CNTNAP5: variants seen among roughly 807,000 people sequenced by gnomAD.
CNTNAP5 encodes the protein contactin-associated protein-like 5.
A neutral mutation model predicts 150.2 loss-of-function variants in CNTNAP5; 72 were observed. The observed-to-expected ratio is 0.48, with a 90% confidence interval of 0.40 to 0.58. CNTNAP5 has a LOEUF of 0.58. Ranked by LOEUF, CNTNAP5 falls within the 20% of genes least tolerant of loss-of-function variation. CNTNAP5 has a pLI of 0.00. For missense variants in CNTNAP5, 1,636 were observed against 1,626.2 expected, an observed-to-expected ratio of 1.01 and a Z score of -0.10; for synonymous variants, 672 against 619.8, an observed-to-expected ratio of 1.08 and a Z score of -1.25.
chr2:124,414,864 G>C (rs1691877586), intron 3 of CNTNAP5, among the ~76,000 whole-genome samples: 1 of 152,032 alleles, frequency 6.6e-6, no homozygotes, highest in African/African-American at 2.4e-5. Context: ...TCACATGCCT[G>C]GGGAGGTGGG....
intron 1 of CNTNAP5, among the ~76,000 whole-genome samples, chr2:124,177,154 A>C (rs974266964): frequency 6.6e-6 from 1 of 152,040 alleles, no homozygotes; most frequent in African/African-American, 2.4e-5. Context: ...GGCTCAGATA[A>C]TGTCTTTATG....
chr2:124,571,532 T>TCTTTTTCTCTTTGTTTTC (rs1553480869), intron 11 of CNTNAP5, among the ~76,000 whole-genome samples: 6 of 92,690 alleles, frequency 6.5e-5, no homozygotes, highest in East Asian at 5.9e-4. Context: ...TTTTTCTTTT[T>TCTTTTTCTCTTTGTTTTC]TTTTTTTTTT....
chr2:124,838,216 C>T (rs1428967660), intron 19 of CNTNAP5, among the ~76,000 whole-genome samples: 1 of 152,122 alleles, frequency 6.6e-6, no homozygotes, highest in East Asian at 1.9e-4. Flanking sequence ...CTTCAACCTT[C>T]ACAATTTAAT....
intron 1 of CNTNAP5, among the ~76,000 whole-genome samples, chr2:124,095,068 A>G (rs1682902786): frequency 6.6e-6 from 1 of 152,182 alleles, no homozygotes. Flanking sequence ...CAGCACTAGT[A>G]CAATAGCAAA....
intron 3 of CNTNAP5, among the ~76,000 whole-genome samples, chr2:124,269,498 C>T (rs1227353854): frequency 2.0e-5 from 3 of 152,060 alleles, no homozygotes; most frequent in South Asian, 2.1e-4. Flanking sequence ...TTCCAGTGAG[C>T]GACAGGAGTT....
intron 12 of CNTNAP5, among the ~76,000 whole-genome samples, chr2:124,632,362 A>G (rs1677881784): frequency 6.6e-6 from 1 of 152,258 alleles, no homozygotes; most frequent in Non-Finnish European, 1.5e-5. Context: ...AGCACAGAAT[A>G]CTATGCAGCA....
At chr2:124,777,191 C>T (rs966164235) in intron 17 of CNTNAP5, among the ~76,000 whole-genome samples, 2 of 151,634 alleles carry the variant, frequency 1.3e-5, no homozygotes, top group Non-Finnish European at 2.9e-5. Context: ...GTCCCTAGCA[C>T]CAGTGATCCA....
intron 11 of CNTNAP5, among the ~76,000 whole-genome samples, chr2:124,607,143 T>G (rs1348375283): frequency 6.6e-6 from 1 of 152,178 alleles, no homozygotes; most frequent in Non-Finnish European, 1.5e-5. Context: ...TAATGAAGGA[T>G]TCTAAAACAA....
chr2:124,025,543 G>T lies in CNTNAP5; in HGVS notation c.-108G>T. 1.1e-6 allele frequency: 1 copy of T among 891,210 alleles called. No individual in the cohort carries two copies. The highest frequency in any genetic ancestry group is 1.8e-5 in the Admixed American group (1 of 55,124). 55.2% of individuals were successfully genotyped at this position (891,210 alleles called of 1,614,324 possible). A position where few individuals can be genotyped will look rare whatever the true frequency, so the allele number is the denominator to read the frequency against. On this transcript the variant is annotated 5_prime_UTR_variant, in exon 1 of 24. Coordinates refer to ENST00000682447, the MANE Select transcript of CNTNAP5 (RefSeq NM_001367498.1). ...AAAGAGCGAGTGCCTCTCCAAGCGG[G>T]GGTGGGAGGGGGTCAGGCTGTGCAG...
chr2:124,278,365 A>G (rs987198024), intron 3 of CNTNAP5, among the ~76,000 whole-genome samples: 1 of 152,170 alleles, frequency 6.6e-6, no homozygotes, highest in Non-Finnish European at 1.5e-5. Context: ...GCTCCTATAG[A>G]GAAATAACAT....
chr2:124,788,442 C>T (rs13408705), intron 17 of CNTNAP5, among the ~76,000 whole-genome samples: 11,900 of 152,106 alleles, frequency 0.078, 802 homozygotes, highest in African/African-American at 0.18. Flanking sequence ...ATAATAAGCT[C>T]ATTATTAATC....
chr2:124,205,656 C>T (rs1333091898), intron 1 of CNTNAP5, among the ~76,000 whole-genome samples: 1 of 152,188 alleles, frequency 6.6e-6, no homozygotes, highest in Admixed American at 6.5e-5. Context: ...CCCACCTCCA[C>T]CTCCCAAAAT....
chr2:124,650,266 T>C (rs1678293628), intron 13 of CNTNAP5, among the ~76,000 whole-genome samples: 1 of 152,192 alleles, frequency 6.6e-6, no homozygotes, highest in Non-Finnish European at 1.5e-5. Context: ...TTCATCCTCT[T>C]GGCTTCCACC....
intron 3 of CNTNAP5, among the ~76,000 whole-genome samples, chr2:124,287,978 G>A (rs1170330237): frequency 6.6e-6 from 1 of 152,154 alleles, no homozygotes; most frequent in African/African-American, 2.4e-5. Context: ...TGCCCAGGCT[G>A]GAGTGCAATA....
intron 3 of CNTNAP5, among the ~76,000 whole-genome samples, chr2:124,366,649 T>C (rs1690378711): frequency 6.6e-6 from 1 of 150,880 alleles, no homozygotes; most frequent in Non-Finnish European, 1.5e-5. Context: ...CCAGGTGTTA[T>C]TTTAATGACA....
chr2:124,268,805 C>A (rs985059475), intron 3 of CNTNAP5, among the ~76,000 whole-genome samples: 1 of 152,174 alleles, frequency 6.6e-6, no homozygotes, highest in South Asian at 2.1e-4. Context: ...CCTATTTTCA[C>A]TGGGAGAGTC....
intron 1 of CNTNAP5, among the ~76,000 whole-genome samples, chr2:124,203,747 G>A (rs2104713519): frequency 6.6e-6 from 1 of 152,300 alleles, no homozygotes; most frequent in South Asian, 2.1e-4. Context: ...TTTAGCCATG[G>A]TTGGGATGCG....
At chr2:124,130,325 C>G (rs7591828) in intron 1 of CNTNAP5, among the ~76,000 whole-genome samples, 1 of 151,472 alleles carries the variant, frequency 6.6e-6, no homozygotes, top group Non-Finnish European at 1.5e-5. Flanking sequence ...GGATCCTTCC[C>G]AAACACAGTG....
At chr2:124,777,255 T>C (rs549671624) in intron 17 of CNTNAP5, among the ~76,000 whole-genome samples, 1 of 152,312 alleles carries the variant, frequency 6.6e-6, no homozygotes, top group South Asian at 2.1e-4. Context: ...GGTTCTGTTT[T>C]TATATTCAGG....
Sources: allele counts gnomAD v4.1 joint callset (sites outside exome capture counted in the v4.1 genomes callset), GRCh38; gene constraint gnomAD v4.1.1; transcripts MANE v1.5; gene names NCBI Gene and HGNC (gene_info 2026-07-23, HGNC 2026-07-21).